The following KSR2 variants were observed in gnomAD, a reference collection of about 807,000 sequenced individuals.
KSR2 encodes kinase suppressor of ras 2.
A neutral mutation model predicts 107.8 loss-of-function variants in KSR2; 25 were observed. The ratio of observed to expected loss-of-function variants is 0.23; its 90% CI spans 0.17 to 0.32. KSR2 has a LOEUF of 0.32. Ranked by LOEUF, KSR2 falls within the 10% of genes least tolerant of loss-of-function variation. KSR2 has a pLI of 1.00. For missense variants in KSR2, 887 were observed against 1,268.9 expected (o/e 0.70, Z 4.57); for synonymous variants, 480 against 507.0 (o/e 0.95, Z 0.71).
Position 117,904,244 on chromosome 12 carries a change from G to A in KSR2, c.181-43813C>T, listed in dbSNP as rs78817714. On this transcript the variant is annotated intron_variant, in intron 1 of 19. Coordinates refer to ENST00000339824, the MANE Select transcript of KSR2 (RefSeq NM_173598.6). The stretch of plus-strand genomic sequence containing the variant: ...ATCAGACCCTCAGGGGTTCATATCC[G>A]GGACACCAGCCTCACAGGAATCTCC... Among the ~76,000 whole-genome samples the A allele has an allele frequency of 6.3e-3, 956 of 152,172 alleles. 8 individuals are homozygous for A. Among genetic ancestry groups the A allele is most frequent in the African/African-American group, 0.021 (882 of 41,512 alleles).
intron 3 of KSR2, among the ~76,000 whole-genome samples, chr12:117,770,469 C>G (rs925137818): frequency 8.6e-5 from 13 of 151,956 alleles, no homozygotes; most frequent in African/African-American, 3.1e-4. Flanking sequence ...CTTTCAAGCC[C>G]CTAGAACTGT....
At chr12:117,823,732 C>T (rs1365589581) in intron 3 of KSR2, among the ~76,000 whole-genome samples, 1 of 152,178 alleles carries the variant, frequency 6.6e-6, no homozygotes, top group African/African-American at 2.4e-5. Flanking sequence ...TCTCCTTGCA[C>T]ATACTGATAG....
At chr12:117,820,313 C>T (rs370286203) in intron 3 of KSR2, among the ~76,000 whole-genome samples, 34 of 151,932 alleles carry the variant, frequency 2.2e-4, no homozygotes, top group African/African-American at 7.7e-4. Context: ...TGACAGGAGG[C>T]GGGGGATGTT....
At chr12:117,497,345 T>C (rs554908313) in intron 14 of KSR2, among the ~76,000 whole-genome samples, 11 of 152,294 alleles carry the variant, frequency 7.2e-5, no homozygotes, top group Admixed American at 6.5e-4. Flanking sequence ...GATGCTTCCA[T>C]TAATAGGATC....
intron 5 of KSR2, among the ~76,000 whole-genome samples, chr12:117,594,124 TATG>T (rs1880497588): frequency 6.6e-6 from 1 of 152,190 alleles, no homozygotes; most frequent in African/African-American, 2.4e-5. Flanking sequence ...CTGATGGAAA[TATG>T]ATGTTTCTCA....
chr12:117,902,495 TAAAAAA>T (rs35386887), intron 1 of KSR2, among the ~76,000 whole-genome samples: 1 of 102,516 alleles, frequency 9.8e-6, no homozygotes. Flanking sequence ...GACTCTGTCT[TAAAAAA>T]AAAAAAAAAA....
At chr12:117,523,727 C>T (rs916460146) in intron 14 of KSR2, among the ~76,000 whole-genome samples, 1 of 152,216 alleles carries the variant, frequency 6.6e-6, no homozygotes, top group Admixed American at 6.5e-5. Context: ...CATCCCAGCA[C>T]TTTGGGAGGC....
intron 14 of KSR2, among the ~76,000 whole-genome samples, chr12:117,512,306 C>G (rs1317404227): frequency 6.6e-6 from 1 of 152,188 alleles, no homozygotes; most frequent in Non-Finnish European, 1.5e-5. Context: ...CATGACAATA[C>G]CCTCTTCCTG....
At chr12:117,629,955 C>T (rs939536904) in intron 5 of KSR2, among the ~76,000 whole-genome samples, 1 of 152,210 alleles carries the variant, frequency 6.6e-6, no homozygotes, top group Admixed American at 6.5e-5. Flanking sequence ...TACCAAGTGG[C>T]CTGCCAGCAG....
intron 14 of KSR2, among the ~76,000 whole-genome samples, chr12:117,510,084 C>A (rs896373286): frequency 3.3e-5 from 5 of 152,142 alleles, no homozygotes; most frequent in Non-Finnish European, 7.3e-5. Context: ...GTCACCTACA[C>A]CTGCCAACTC....
At chr12:117,792,225 C>CTG in intron 3 of KSR2, among the ~76,000 whole-genome samples, 1 of 152,160 alleles carries the variant, frequency 6.6e-6, no homozygotes, top group East Asian at 1.9e-4. Flanking sequence ...TGTGCCTGTC[C>CTG]TGTAGTCCAG....
intron 5 of KSR2, among the ~76,000 whole-genome samples, chr12:117,585,752 T>C (rs756397637): frequency 1.3e-5 from 2 of 152,192 alleles, no homozygotes; most frequent in Non-Finnish European, 2.9e-5. Context: ...AAGCACCTAT[T>C]AAGATGTCTC....
At chr12:117,734,281 A>C (rs1208155493) in intron 4 of KSR2, among the ~76,000 whole-genome samples, 1 of 22,322 alleles carries the variant, frequency 4.5e-5, no homozygotes, top group Non-Finnish European at 7.7e-5. Context: ...ACTCTGTCTC[A>C]AAAAAAAAAA....
chr12:117,722,587 G>A (rs369065487), intron 4 of KSR2, among the ~76,000 whole-genome samples: 3 of 152,224 alleles, frequency 2.0e-5, no homozygotes, highest in Non-Finnish European at 4.4e-5. Context: ...CCATGACAAC[G>A]TCAGAAAGTT....
At chr12:117,817,896 T>G (rs1891429695) in intron 3 of KSR2, among the ~76,000 whole-genome samples, 1 of 150,992 alleles carries the variant, frequency 6.6e-6, no homozygotes, top group Admixed American at 6.6e-5. Flanking sequence ...AGGTCAGGAG[T>G]TCAAGACAAG....
At chr12:117,804,732 A>G (rs1414509373) in intron 3 of KSR2, among the ~76,000 whole-genome samples, 1 of 152,156 alleles carries the variant, frequency 6.6e-6, no homozygotes, top group African/African-American at 2.4e-5. Context: ...ATATTTAATA[A>G]TATCTTAGGT....
intron 5 of KSR2, among the ~76,000 whole-genome samples, chr12:117,657,711 C>A (rs916204582): frequency 1.3e-5 from 2 of 152,224 alleles, no homozygotes; most frequent in African/African-American, 4.8e-5. Flanking sequence ...ATTCTTTGTC[C>A]TTTGCCATCT....
At chr12:117,848,773 A>ACAACAG (rs777343627) in intron 3 of KSR2, among the ~76,000 whole-genome samples, 7 of 132,370 alleles carry the variant, frequency 5.3e-5, no homozygotes, top group South Asian at 4.6e-4. Flanking sequence ...GATGGTGGTA[A>ACAACAG]TGATGGTGGT....
At chr12:117,523,816 T>C (rs1249461259) in intron 14 of KSR2, among the ~76,000 whole-genome samples, 1 of 152,112 alleles carries the variant, frequency 6.6e-6, no homozygotes, top group East Asian at 1.9e-4. Flanking sequence ...CTACTAAAAA[T>C]ACAAAATTAG....
Sources: allele counts gnomAD v4.1 joint callset (sites outside exome capture counted in the v4.1 genomes callset), GRCh38; gene constraint gnomAD v4.1.1; transcripts MANE v1.5; gene names NCBI Gene and HGNC (gene_info 2026-07-23, HGNC 2026-07-21).